GRM1: variants seen among roughly 807,000 people sequenced by gnomAD.
GRM1 encodes metabotropic glutamate receptor 1.
Under a neutral mutation model 90.9 loss-of-function variants are expected in GRM1, and 33 were observed. That is an observed-to-expected ratio of 0.36 (90% CI 0.28 to 0.49). GRM1 has a LOEUF of 0.49. Among genes scored for constraint, GRM1 ranks in the 20% least tolerant of loss-of-function variants. GRM1 has a pLI of 0.99. For missense variants in GRM1, 1,190 were observed against 1,534.3 expected, an observed-to-expected ratio of 0.78 and a Z score of 3.75; for synonymous variants, 700 against 613.2, an observed-to-expected ratio of 1.14 and a Z score of -2.09.
chr6:146,089,130 A>G (rs1211871761), intron 1 of GRM1, among the ~76,000 whole-genome samples: 1 of 151,878 alleles, frequency 6.6e-6, no homozygotes, highest in African/African-American at 2.4e-5. Context: ...TGGCAGACTC[A>G]CTCTGAGACT....
chr6:146,118,156 T>TG (rs1299477738), intron 1 of GRM1, among the ~76,000 whole-genome samples: 1 of 148,012 alleles, frequency 6.8e-6, no homozygotes, highest in Admixed American at 6.7e-5. Flanking sequence ...TTTTTTTTTT[T>TG]TGAGTCGGAG....
intron 1 of GRM1, among the ~76,000 whole-genome samples, chr6:146,031,821 ATTGGATAGAT>A: frequency 6.6e-6 from 1 of 152,300 alleles, no homozygotes; most frequent in East Asian, 1.9e-4. Flanking sequence ...AAATATCATC[ATTGGATAGAT>A]CCAAAGATGA....
intron 1 of GRM1, among the ~76,000 whole-genome samples, chr6:146,072,972 A>T (rs1396653762): frequency 6.6e-6 from 1 of 152,130 alleles, no homozygotes; most frequent in Non-Finnish European, 1.5e-5. Context: ...CAGGGGTCTC[A>T]GTGGCCACCT....
chr6:146,279,625 T>C lies in GRM1; in HGVS notation c.951-24986T>C, dbSNP rs114211330. Among the ~76,000 whole-genome samples the C allele has an allele frequency of 4.3e-3, 650 of 152,302 alleles. 5 individuals carry two copies. The highest frequency in any genetic ancestry group is 0.015 in the African/African-American group (608 of 41,578). On this transcript the variant is annotated intron_variant, in intron 2 of 7. Transcript: ENST00000282753. ...AATATTTGGTGATTTTTCCAGATTG[T>C]GTTATTATTGATTTTTATGTTTAAT... is the stretch of plus-strand genomic sequence containing the variant.
intron 2 of GRM1, among the ~76,000 whole-genome samples, chr6:146,261,479 C>G (rs1221279965): frequency 6.6e-6 from 1 of 152,092 alleles, no homozygotes; most frequent in Middle Eastern, 3.4e-3. Flanking sequence ...CCAAAAAATG[C>G]TCTTTAACAT....
chr6:146,097,532 C>G (rs1218662480), intron 1 of GRM1, among the ~76,000 whole-genome samples: 1 of 152,158 alleles, frequency 6.6e-6, no homozygotes, highest in Non-Finnish European at 1.5e-5. Flanking sequence ...ATTTTTCTGT[C>G]TCACGTTATA....
intron 1 of GRM1, among the ~76,000 whole-genome samples, chr6:146,049,284 T>A (rs1791439418): frequency 6.6e-6 from 1 of 151,950 alleles, no homozygotes; most frequent in African/African-American, 2.4e-5. Context: ...TATGAGGGTA[T>A]TTCCCAAGAG....
intron 3 of GRM1, among the ~76,000 whole-genome samples, chr6:146,351,383 T>TATATATTTTGTTTTCCAAAC (rs1286030316): frequency 4.6e-5 from 7 of 152,174 alleles, no homozygotes; most frequent in African/African-American, 1.7e-4. Context: ...GTTTTCCAAA[T>TATATATTTTGTTTTCCAAAC]ATATTTTTTG....
chr6:146,427,674 T>A (rs934676899), intron 7 of GRM1, among the ~76,000 whole-genome samples: 1 of 152,088 alleles, frequency 6.6e-6, no homozygotes, highest in African/African-American at 2.4e-5. Flanking sequence ...CCAAATCATA[T>A]TGATTCTTAG....
At chr6:146,253,747 C>A (rs1781381944) in intron 2 of GRM1, among the ~76,000 whole-genome samples, 1 of 152,172 alleles carries the variant, frequency 6.6e-6, no homozygotes, top group East Asian at 1.9e-4. Context: ...TTCACTCAAA[C>A]AAAATAAGAA....
chr6:146,420,307 CAGA>C (rs1373920830), intron 7 of GRM1, among the ~76,000 whole-genome samples: 1 of 152,198 alleles, frequency 6.6e-6, no homozygotes, highest in African/African-American at 2.4e-5. Context: ...CTATCTGCAG[CAGA>C]AGACCAAAAA....
chr6:146,197,913 A>G (rs1779175033), intron 2 of GRM1, among the ~76,000 whole-genome samples: 1 of 152,238 alleles, frequency 6.6e-6, no homozygotes, highest in Non-Finnish European at 1.5e-5. Context: ...GATCTGCTGT[A>G]AAATATAGTG....
intron 1 of GRM1, among the ~76,000 whole-genome samples, chr6:146,060,662 T>A (rs1003036392): frequency 6.6e-6 from 1 of 152,166 alleles, no homozygotes; most frequent in Admixed American, 6.5e-5. Flanking sequence ...GATGGACATA[T>A]AGGTTGGTTC....
chr6:146,180,774 GTT>G (rs1778522644), intron 2 of GRM1, among the ~76,000 whole-genome samples: 3 of 151,922 alleles, frequency 2.0e-5, no homozygotes, highest in African/African-American at 4.8e-5. Context: ...CCACAGCCTG[GTT>G]TTACTTTTAA....
chr6:146,391,803 T>C (rs1776733683), intron 6 of GRM1, among the ~76,000 whole-genome samples: 1 of 152,120 alleles, frequency 6.6e-6, no homozygotes, highest in Non-Finnish European at 1.5e-5. Context: ...CAGATTGGCA[T>C]TGAAAAGCCT....
intron 1 of GRM1, among the ~76,000 whole-genome samples, chr6:146,064,670 T>TC (rs1775785219): frequency 6.6e-6 from 1 of 150,974 alleles, no homozygotes; most frequent in Non-Finnish European, 1.5e-5. Context: ...TTTTTTTTTT[T>TC]CCCCCAGCTA....
intron 6 of GRM1, 57 bp downstream of exon 6, chr6:146,387,073 C>T (rs1304971183): frequency 1.3e-6 from 2 of 1,526,264 alleles, no homozygotes; most frequent in African/African-American, 1.4e-5. Context: ...TCCAATGTGT[C>T]CATCCCTCAA....
chr6:146,229,746 C>T (rs1013395235), intron 2 of GRM1, among the ~76,000 whole-genome samples: 2 of 152,010 alleles, frequency 1.3e-5, no homozygotes, highest in South Asian at 4.1e-4. Context: ...AACACCCAAA[C>T]AAAATAGTGT....
chr6:146,407,850 A>C lies in GRM1; in HGVS notation c.2660+8151A>C, dbSNP rs1489516439. Among the ~76,000 whole-genome samples the C allele has an allele frequency of 2.0e-5, 3 of 152,216 alleles. No individual in the cohort carries two copies. In the South Asian group the frequency reaches 6.2e-4, roughly 31 times the overall value. The stretch of plus-strand genomic sequence containing the variant: ...TTAATAAGAGATAGAGCCCATTCCC[A>C]AAAAATTCATGGTATAACACGTGGT... On this transcript the variant is annotated intron_variant, in intron 7 of 7. Transcript: ENST00000282753.
Sources: allele counts gnomAD v4.1 joint callset (sites outside exome capture counted in the v4.1 genomes callset), GRCh38; gene constraint gnomAD v4.1.1; transcripts MANE v1.5; gene names NCBI Gene and HGNC (gene_info 2026-07-23, HGNC 2026-07-21).